The following MPPED2 variants were observed in gnomAD, a reference collection of about 807,000 sequenced individuals.
MPPED2 encodes the protein metallophosphoesterase MPPED2.
Under a neutral mutation model 33.0 loss-of-function variants are expected in MPPED2, and 5 were observed. The ratio of observed to expected loss-of-function variants is 0.15; its 90% CI spans 0.08 to 0.32. MPPED2 has a LOEUF of 0.32. Among genes scored for constraint, MPPED2 ranks in the 10% least tolerant of loss-of-function variants. MPPED2 has a pLI of 1.00. For synonymous variants in MPPED2, 136 were observed against 141.9 expected, an observed-to-expected ratio of 0.96 and a Z score of 0.29; for missense variants, 275 against 372.1, an observed-to-expected ratio of 0.74 and a Z score of 2.15.
At chr11:30,422,722 A>T (rs1176254566) in intron 4 of MPPED2, among the ~76,000 whole-genome samples, 1 of 152,182 alleles carries the variant, frequency 6.6e-6, no homozygotes, top group African/African-American at 2.4e-5. Context: ...ATTAGCTGTG[A>T]CTAACAAATA....
chr11:30,484,973 C>T (rs749492776), intron 4 of MPPED2, among the ~76,000 whole-genome samples: 4 of 151,906 alleles, frequency 2.6e-5, no homozygotes, highest in Non-Finnish European at 4.4e-5. Context: ...ACCATAGAAA[C>T]GAAGCAAACA....
intron 2 of MPPED2, among the ~76,000 whole-genome samples, chr11:30,575,674 T>C (rs73463726): frequency 0.014 from 2,104 of 152,304 alleles, 53 homozygotes; most frequent in African/African-American, 0.048. Flanking sequence ...AGAAACTGAC[T>C]GGGGTACAGA....
At chr11:30,474,099 A>G (rs1490706637) in intron 4 of MPPED2, among the ~76,000 whole-genome samples, 3 of 152,184 alleles carry the variant, frequency 2.0e-5, no homozygotes, top group African/African-American at 7.2e-5. Context: ...TTTGTGGTGA[A>G]TTTTTTACAT....
At chr11:30,535,067 G>T (rs769109676) in intron 3 of MPPED2, among the ~76,000 whole-genome samples, 22 of 149,394 alleles carry the variant, frequency 1.5e-4, no homozygotes, top group Non-Finnish European at 2.5e-4. Context: ...TATGTTATTA[G>T]TTAAGTTTAT....
At chr11:30,477,813 T>A (rs1244336106) in intron 4 of MPPED2, among the ~76,000 whole-genome samples, 2 of 152,134 alleles carry the variant, frequency 1.3e-5, no homozygotes. Flanking sequence ...AATGTTGATA[T>A]CTACGGTGGA....
At chr11:30,473,411 C>T (rs1306067699) in intron 4 of MPPED2, among the ~76,000 whole-genome samples, 1 of 152,144 alleles carries the variant, frequency 6.6e-6, no homozygotes, top group Non-Finnish European at 1.5e-5. Context: ...CTCTGTCCGC[C>T]TCATGTATCC....
chr11:30,516,286 C>G (rs1953529827), intron 3 of MPPED2, among the ~76,000 whole-genome samples: 1 of 152,192 alleles, frequency 6.6e-6, no homozygotes, highest in South Asian at 2.1e-4. Context: ...ATTTTCCAGA[C>G]ACTCTTCTGA....
chr11:30,517,890 C>T (rs186250831), intron 3 of MPPED2, among the ~76,000 whole-genome samples: 30 of 152,234 alleles, frequency 2.0e-4, no homozygotes, highest in Admixed American at 6.5e-4. Flanking sequence ...ATTTAAGTTC[C>T]TCTCTGATAC....
At chr11:30,398,579 T>G (rs557486293) in intron 6 of MPPED2, among the ~76,000 whole-genome samples, 2 of 152,284 alleles carry the variant, frequency 1.3e-5, no homozygotes, top group Non-Finnish European at 2.9e-5. Flanking sequence ...TGCCTGAAGA[T>G]TCTTGGTTCT....
intron 4 of MPPED2, among the ~76,000 whole-genome samples, chr11:30,442,633 T>C (rs1949629846): frequency 6.6e-6 from 1 of 152,164 alleles, no homozygotes; most frequent in Non-Finnish European, 1.5e-5. Flanking sequence ...AGTGACCAAC[T>C]CCACCTGGGA....
chr11:30,413,284 A>G (rs1032005800), intron 6 of MPPED2, among the ~76,000 whole-genome samples: 1 of 152,210 alleles, frequency 6.6e-6, no homozygotes, highest in East Asian at 1.9e-4. Context: ...TTGACTGCAT[A>G]TTCATAAGTA....
intron 4 of MPPED2, among the ~76,000 whole-genome samples, chr11:30,444,064 G>A (rs1399227676): frequency 2.0e-5 from 3 of 152,160 alleles, no homozygotes; most frequent in Non-Finnish European, 4.4e-5. Context: ...AAAGAAAATT[G>A]ACTAAAGCTT....
At chr11:30,541,277 C>A (rs60941669) in intron 2 of MPPED2, among the ~76,000 whole-genome samples, 2,798 of 152,168 alleles carry the variant, frequency 0.018, 83 homozygotes, top group African/African-American at 0.064. Context: ...TTTTTACTCA[C>A]AAAAAATATG....
rs141564216 is a variant in MPPED2, at chr11:30,388,984, GGAGAGA to G, written c.767-34_767-29del. Reference sequence around the variant, plus strand: ...AAAGGGGAGAGAGAGAAAGAGAGAGGGAGAGAGAGAGAGAGATGAACATGACCTAAA... The same window carrying G: ...AAAGGGGAGAGAGAGAAAGAGAGAGGGAGAGAGAGATGAACATGACCTAAA... On this transcript the variant is annotated intron_variant, in intron 6 of 6. Coordinates refer to the MPPED2 transcript ENST00000448418. 14 of 1,527,748 alleles carry G rather than the reference GGAGAGA, an allele frequency of 9.2e-6. No individual in the cohort carries two copies. The African/African-American group carries it at 1.9e-4, about 21-fold the overall frequency. 94.6% of individuals were successfully genotyped at this position (1,527,748 alleles called of 1,614,324 possible). A position where few individuals can be genotyped will look rare whatever the true frequency, so the allele number is the denominator to read the frequency against.
At chr11:30,401,144 A>G (rs1253652352) in intron 6 of MPPED2, among the ~76,000 whole-genome samples, 2 of 152,214 alleles carry the variant, frequency 1.3e-5, no homozygotes, top group East Asian at 3.9e-4. Context: ...TGTTATAAAA[A>G]TAGTTTGGTT....
chr11:30,399,473 C>T (rs142848162), intron 6 of MPPED2, among the ~76,000 whole-genome samples: 1 of 152,266 alleles, frequency 6.6e-6, no homozygotes, highest in Admixed American at 6.5e-5. Context: ...TTTATCAATA[C>T]TCTGTCCTCT....
At chr11:30,462,313 C>G (rs938554348) in intron 4 of MPPED2, among the ~76,000 whole-genome samples, 2 of 152,068 alleles carry the variant, frequency 1.3e-5, no homozygotes, top group Non-Finnish European at 2.9e-5. Flanking sequence ...AAGCACTAAG[C>G]CCCAGTATGA....
intron 5 of MPPED2, among the ~76,000 whole-genome samples, chr11:30,416,548 GT>G (rs1189643212): frequency 6.6e-6 from 1 of 152,134 alleles, no homozygotes; most frequent in Non-Finnish European, 1.5e-5. Flanking sequence ...TGTATAAAGT[GT>G]TTTTTCCCTC....
chr11:30,511,738 A>G (rs895657861), intron 3 of MPPED2, among the ~76,000 whole-genome samples: 1 of 152,246 alleles, frequency 6.6e-6, no homozygotes, highest in Non-Finnish European at 1.5e-5. Flanking sequence ...ATAGTTGATT[A>G]GCTGACAATT....
Sources: gnomAD v4.1 joint callset for allele counts (sites outside exome capture counted in the v4.1 genomes callset) on GRCh38, gnomAD v4.1.1 for gene constraint, MANE v1.5 for transcripts, NCBI Gene and HGNC (gene_info 2026-07-23, HGNC 2026-07-21) for gene names.